Variants in EPS8 observed in about 807,000 individuals in gnomAD.
EPS8 encodes the protein epidermal growth factor receptor kinase substrate 8.
Under a neutral mutation model 103.8 loss-of-function variants are expected in EPS8, and 42 were observed. The observed-to-expected ratio is 0.40, with a 90% CI of 0.32 to 0.52. The LOEUF (loss-of-function observed/expected upper bound fraction) is 0.52. EPS8 is among the 20% of genes least tolerant of loss of function. The pLI, the probability that EPS8 is intolerant of heterozygous loss-of-function variation, is 0.40. For missense variants in EPS8, 969 were observed against 1,005.1 expected, an observed-to-expected ratio of 0.96 and a Z score of 0.49; for synonymous variants, 344 against 344.6, an observed-to-expected ratio of 1.00 and a Z score of 0.02.
In EPS8 at chr12:15,744,884, A is replaced by AT. The variant is rs535216088; in HGVS notation, c.-22+44276dup. ...TTATTACTATTTTTTTATTACTATT[A>AT]TTTTTTTTTTGAGACAGACTCTCGC... On this transcript the variant is annotated intron_variant, in intron 1 of 20. Coordinates refer to ENST00000281172, the MANE Select transcript of EPS8 (RefSeq NM_004447.6). Among the ~76,000 whole-genome samples the AT allele has an allele frequency of 7.9e-3, 1,180 of 150,178 alleles. 14 individuals carry two copies. The highest frequency in any genetic ancestry group is 0.027 in the African/African-American group (1,104 of 41,082).
Position 15,658,514 on chromosome 12 carries a change from G to C in EPS8, c.1009C>G (p.His337Asp). 1 of 1,610,396 alleles carries C rather than the reference G, an allele frequency of 6.2e-7. No individual in the cohort carries two copies. The highest frequency in any genetic ancestry group is 2.2e-5 in the East Asian group (1 of 44,834). Reference protein sequence around the residue: ...EFLDCFQKFKHGFNLLAKLKS... With the variant: ...EFLDCFQKFKDGFNLLAKLKS... ...TCACTTACCAGAAGGTTAAATCCGT[G>C]TTTAAACTTTTGGAAACAGTCAAGA... Residue 337 changes from histidine (H) to aspartate (D), a missense_variant, in exon 11 of 21, where the codon CAC becomes GAC. His to Asp is a moderately conservative substitution (Grantham distance 81). Coordinates refer to ENST00000281172, the MANE Select transcript of EPS8 (RefSeq NM_004447.6).
At chr12:15,715,543 C>T (rs981339189) in intron 1 of EPS8, among the ~76,000 whole-genome samples, 25 of 152,050 alleles carry the variant, frequency 1.6e-4, no homozygotes, top group African/African-American at 5.8e-4. Context: ...CGCCACTACG[C>T]CTGGCTAATT....
intron 1 of EPS8, among the ~76,000 whole-genome samples, chr12:15,691,934 T>C (rs1946177580): frequency 6.6e-6 from 1 of 152,130 alleles, no homozygotes; most frequent in African/African-American, 2.4e-5. Flanking sequence ...TTTCAATACA[T>C]TGAAGCACCA....
chr12:15,743,186 C>T (rs1468515862), intron 1 of EPS8, among the ~76,000 whole-genome samples: 1 of 152,104 alleles, frequency 6.6e-6, no homozygotes, highest in African/African-American at 2.4e-5. Flanking sequence ...AATAAAATAC[C>T]TAGGAATCCA....
intron 1 of EPS8, among the ~76,000 whole-genome samples, chr12:15,715,374 T>C (rs1194333558): frequency 7.9e-6 from 1 of 126,438 alleles, no homozygotes; most frequent in African/African-American, 2.6e-5. Context: ...AGCGCTTTCT[T>C]TTTTTTTTTC....
At chr12:15,641,302 T>C (rs57441828) in intron 16 of EPS8, among the ~76,000 whole-genome samples, 2,153 of 152,242 alleles carry the variant, frequency 0.014, 51 homozygotes, top group African/African-American at 0.049. Context: ...GGTGTTGTGG[T>C]GGATTATCCC....
Position 15,714,073 on chromosome 12 carries a change from G to A in EPS8, c.-21-31101C>T, listed in dbSNP as rs1185274942. Reference sequence around the variant, plus strand: ...AGGCCCCACGGGATTTCTTTGGGTAGAAAAACCAAACCAAAACAAAACAAA... The same window carrying A: ...AGGCCCCACGGGATTTCTTTGGGTAAAAAAACCAAACCAAAACAAAACAAA... On this transcript the variant is annotated intron_variant, in intron 1 of 20. Coordinates refer to ENST00000281172, the MANE Select transcript of EPS8 (RefSeq NM_004447.6). This position sits in a 1 kb window ranked among gnomAD's most constrained non-coding sequence, Gnocchi z 4.1. Among the ~76,000 whole-genome samples, 1 of 151,896 alleles carries A rather than the reference G, an allele frequency of 6.6e-6. No individual in the cohort carries two copies. The highest frequency in any genetic ancestry group is 1.5e-5 in the Non-Finnish European group (1 of 67,958).
chr12:15,729,785 C>G (rs141006535), intron 1 of EPS8, among the ~76,000 whole-genome samples: 1 of 152,042 alleles, frequency 6.6e-6, no homozygotes, highest in African/African-American at 2.4e-5. Context: ...TCACAGAATG[C>G]GTGTATGATT....
At chr12:15,629,609 T>A (rs1022197255) in intron 18 of EPS8, among the ~76,000 whole-genome samples, 1 of 152,206 alleles carries the variant, frequency 6.6e-6, no homozygotes, top group African/African-American at 2.4e-5. Flanking sequence ...TTCTACACAC[T>A]CACGCACACA....
chr12:15,654,803 T>C (rs1348059820), intron 12 of EPS8, among the ~76,000 whole-genome samples: 1 of 152,168 alleles, frequency 6.6e-6, no homozygotes, highest in Non-Finnish European at 1.5e-5. Context: ...AAAACAGGAA[T>C]GAGAACTGGT....
chr12:15,767,832 CA>C lies in EPS8; in HGVS notation c.-22+21328del, dbSNP rs1947112655. ...GTTTTCCCAACAGGATTTTGCAAAG[CA>C]AAAACATTTCAAGTGGAAAAATATA... On this transcript the variant is annotated intron_variant, in intron 1 of 20. Transcript: ENST00000281172. The surrounding 1 kb of genome is among the most constrained non-coding windows in gnomAD (Gnocchi z 5.5). Among the ~76,000 whole-genome samples, 1 of 152,078 alleles carries C rather than the reference CA, an allele frequency of 6.6e-6. No individual in the cohort carries two copies. Among genetic ancestry groups the C allele is most frequent in the Admixed American group, 6.5e-5 (1 of 15,276 alleles).
At chr12:15,652,292 G>C (rs576087468) in intron 13 of EPS8, among the ~76,000 whole-genome samples, 1 of 152,268 alleles carries the variant, frequency 6.6e-6, no homozygotes, top group East Asian at 1.9e-4. Context: ...ACAAGGATGA[G>C]GCAGGGTTGC....
chr12:15,771,838 G>C lies in EPS8; in HGVS notation c.-22+17323C>G, dbSNP rs1947157976. Among the ~76,000 whole-genome samples the C allele has an allele frequency of 6.6e-6, 1 of 152,100 alleles. No homozygotes were observed. Among genetic ancestry groups the C allele is most frequent in the Admixed American group, 6.5e-5 (1 of 15,268 alleles). On this transcript the variant is annotated intron_variant, in intron 1 of 20. Transcript: ENST00000281172. The surrounding 1 kb of genome is among the most constrained non-coding windows in gnomAD (Gnocchi z 4.6). ...GAGCTAATTTCAATACAAAAGAAAG[G>C]GGAAGGCCGGGGGCGGTGGCTCATG... is the stretch of plus-strand genomic sequence containing the variant.
rs1483418815 is a variant in EPS8 at position 15,690,719 on chromosome 12, A to AT, written c.-21-7748dup. Among the ~76,000 whole-genome samples, 1 of 152,230 alleles carries AT rather than the reference A, an allele frequency of 6.6e-6. No individual in the cohort carries two copies. The highest frequency in any genetic ancestry group is 2.4e-5 in the African/African-American group (1 of 41,450). ...TCAGACTGTATCAAGAGCAAAATGT[A>AT]TAACTTTATGTCTATGAAAAGTTCA... is the stretch of plus-strand genomic sequence containing the variant. On this transcript the variant is annotated intron_variant, in intron 1 of 20. Transcript: ENST00000281172. This position sits in a 1 kb window ranked among gnomAD's most constrained non-coding sequence, Gnocchi z 4.7.
At chr12:15,664,505 C>T (rs2135828908) in intron 8 of EPS8, among the ~76,000 whole-genome samples, 1 of 152,278 alleles carries the variant, frequency 6.6e-6, no homozygotes, top group Admixed American at 6.5e-5. Context: ...CTTTCAGATT[C>T]AGAGCAACCC....
intron 18 of EPS8, among the ~76,000 whole-genome samples, chr12:15,629,240 G>T (rs1334062291): frequency 5.9e-5 from 9 of 152,092 alleles, no homozygotes; most frequent in Admixed American, 5.9e-4. Context: ...TTCCCACTAG[G>T]TTATTCTTGG....
rs959617676 is a variant in EPS8, at chr12:15,716,571, C to T, written c.-21-33599G>A. Among the ~76,000 whole-genome samples, 1 of 152,084 alleles carries T rather than the reference C, an allele frequency of 6.6e-6. No homozygotes were observed. The highest frequency in any genetic ancestry group is 6.5e-5 in the Admixed American group (1 of 15,268). On this transcript the variant is annotated intron_variant, in intron 1 of 20. Coordinates refer to ENST00000281172, the MANE Select transcript of EPS8 (RefSeq NM_004447.6). This position sits in a 1 kb window ranked among gnomAD's most constrained non-coding sequence, Gnocchi z 5.0. ...TAGTCACAGGAAATATTATATATTT[C>T]GAATGTGACAGATTTGGTTACTGCA...
At position 15,662,362 on chromosome 12, in the gene EPS8, T is replaced by C. The variant is rs534139579; in HGVS notation, c.737-263A>G. The C allele has an allele frequency of 6.8e-5, 80 of 1,171,790 alleles. No homozygotes were observed. In the South Asian group the frequency reaches 2.2e-3, roughly 32 times the overall value. The allele number at this position is 1,171,790 out of a possible 1,614,324, so 72.6% of individuals were successfully genotyped here. ...TTGTAATATCACCCCATTCTCTCTC[T>C]TCCCTGAGTCAGCTACCTGTAGAAC... is the stretch of plus-strand genomic sequence containing the variant. On this transcript the variant is annotated intron_variant, in intron 8 of 20. Transcript: ENST00000281172.
intron 6 of EPS8, among the ~76,000 whole-genome samples, chr12:15,668,216 T>C (rs976014127): frequency 2.6e-5 from 4 of 152,182 alleles, no homozygotes; most frequent in African/African-American, 9.7e-5. Flanking sequence ...TAAATGCCAG[T>C]TCTTTTAGAA....
Sources: allele counts gnomAD v4.1 joint callset (sites outside exome capture counted in the v4.1 genomes callset), GRCh38; gene constraint gnomAD v4.1.1; non-coding constraint Gnocchi (gnomAD v3.1); transcripts MANE v1.5; gene names NCBI Gene and HGNC (gene_info 2026-07-23, HGNC 2026-07-21).